The following FAM171A1 variants were observed in gnomAD, a reference collection of about 807,000 sequenced individuals.
FAM171A1 encodes protein FAM171A1.
In FAM171A1, 23 loss-of-function variants were observed where a neutral mutation model predicts 74.9. The observed-to-expected ratio is 0.31, with a 90% CI of 0.22 to 0.44. The LOEUF is 0.44. FAM171A1 is among the 20% of genes least tolerant of loss of function. The pLI is 1.00. For missense variants in FAM171A1, 1,162 were observed against 1,159.2 expected, an observed-to-expected ratio of 1.00 and a Z score of -0.03; for synonymous variants, 527 against 505.7, an observed-to-expected ratio of 1.04 and a Z score of -0.57.
At chr10:15,332,919 A>G (rs372245265) in intron 1 of FAM171A1, among the ~76,000 whole-genome samples, 1 of 150,046 alleles carries the variant, frequency 6.7e-6, no homozygotes, top group Non-Finnish European at 1.5e-5. Flanking sequence ...AAGGGTGTTC[A>G]AGCAAAGCGA....
intron 1 of FAM171A1, among the ~76,000 whole-genome samples, chr10:15,297,034 T>G (rs1835169851): frequency 6.6e-6 from 1 of 151,984 alleles, no homozygotes; most frequent in South Asian, 2.1e-4. Context: ...CTGCTCATCC[T>G]CTGAAGGGCG....
intron 1 of FAM171A1, among the ~76,000 whole-genome samples, chr10:15,288,687 C>A (rs899795018): frequency 7.9e-5 from 12 of 152,082 alleles, no homozygotes; most frequent in African/African-American, 2.9e-4. Flanking sequence ...TAGATTCTAC[C>A]ACTTGAATTT....
intron 5 of FAM171A1, among the ~76,000 whole-genome samples, chr10:15,230,576 G>T (rs1000287584): frequency 6.6e-6 from 1 of 152,182 alleles, no homozygotes; most frequent in Non-Finnish European, 1.5e-5. Flanking sequence ...ACTGTATTCA[G>T]CTGCAACACA....
chr10:15,288,714 G>C (rs10796271), intron 1 of FAM171A1, among the ~76,000 whole-genome samples: 47,645 of 151,558 alleles, frequency 0.31, 8,951 homozygotes, highest in East Asian at 0.59. Context: ...ATATGGGAAG[G>C]ATAGTTTAAG....
intron 5 of FAM171A1, among the ~76,000 whole-genome samples, chr10:15,234,853 G>A (rs939995792): frequency 1.3e-5 from 2 of 151,940 alleles, no homozygotes; most frequent in South Asian, 2.1e-4. Flanking sequence ...TAGTAGAGAC[G>A]GGGTTTCACT....
rs1231310601 is a variant in FAM171A1, at chr10:15,220,926, G to A, written c.871+18C>T. The A allele has an allele frequency of 2.5e-6, 4 of 1,588,648 alleles. No homozygotes were observed. The highest frequency in any genetic ancestry group is 1.3e-5 in the African/African-American group (1 of 74,534). ...AAGCAACTGATCCGCATCATCGCAA[G>A]TGTTGGCTCCGTGTTACCTGGGATG... On this transcript the variant is annotated intron_variant, in intron 6 of 7. Transcript: ENST00000378116.
At position 15,248,648 on chromosome 10, in the gene FAM171A1, G is replaced by A; in HGVS notation, c.745C>T (p.Gln249Ter). 6.2e-7 allele frequency: 1 copy of A among 1,604,926 alleles called. No homozygotes were observed. Among genetic ancestry groups the A allele is most frequent in the Non-Finnish European group, 8.5e-7 (1 of 1,175,558 alleles). ...NAYVAAWRFD[Q>*]KLGTWLKSGL... ...CAGAACTCTTGCTTACCCAGCTTCT[G>A]GTCAAACCGCCACGCCGCGACATAG... The change falls in exon 5 of 8, where the codon CAG becomes TAG. Residue 249 changes from glutamine (Q) to a stop codon, truncating the protein, a stop_gained. Coordinates refer to ENST00000378116, the MANE Select transcript of FAM171A1 (RefSeq NM_001010924.2). LOFTEE classifies it high-confidence loss of function.
At chr10:15,318,845 G>A (rs1314023801) in intron 1 of FAM171A1, among the ~76,000 whole-genome samples, 1 of 152,204 alleles carries the variant, frequency 6.6e-6, no homozygotes, top group East Asian at 1.9e-4. Flanking sequence ...TACAGCAGAA[G>A]ATGAGGCAGT....
intron 3 of FAM171A1, 31 bp downstream of exon 3, chr10:15,275,821 TAAC>T: frequency 2.2e-6 from 3 of 1,391,312 alleles, no homozygotes; most frequent in Non-Finnish European, 3.0e-6. Flanking sequence ...CCATCAAAAA[TAAC>T]AATAAAAACT....
At chr10:15,251,703 C>T (rs1035186179) in intron 4 of FAM171A1, among the ~76,000 whole-genome samples, 2 of 152,072 alleles carry the variant, frequency 1.3e-5, no homozygotes, top group Non-Finnish European at 2.9e-5. Context: ...TGAGCCATCG[C>T]GCCTGGCCTA....
chr10:15,220,078 A>C (rs533294431), intron 6 of FAM171A1, among the ~76,000 whole-genome samples: 1 of 152,378 alleles, frequency 6.6e-6, no homozygotes, highest in Admixed American at 6.5e-5. Flanking sequence ...AACTGCCTTC[A>C]TGGTTCATTT....
rs1403768972 is a variant in FAM171A1, at chr10:15,254,745, G to A, written c.553C>T (p.Arg185Ter). The A allele has an allele frequency of 1.9e-6, 3 of 1,614,034 alleles. No individual in the cohort carries two copies. The highest frequency in any genetic ancestry group is 1.7e-5 in the Admixed American group (1 of 59,994). Residue 185 changes from arginine (R) to a stop codon, truncating the protein, a stop_gained, in exon 4 of 8, where the codon CGA becomes TGA. Transcript: ENST00000378116. LOFTEE classifies it high-confidence loss of function. ...PSEVDSFPYL[R>*]GLDGNGTGNS... ...CCTGTTCCATTTCCGTCTAATCCTC[G>A]CAAATAAGGAAAACTGTCCACCTCC...
intron 1 of FAM171A1, among the ~76,000 whole-genome samples, chr10:15,304,854 A>G (rs1453329713): frequency 6.6e-6 from 1 of 152,178 alleles, no homozygotes; most frequent in Non-Finnish European, 1.5e-5. Context: ...CTCCTGCCTC[A>G]GCCTCCCAAG....
chr10:15,219,592 CT>C lies in FAM171A1; in HGVS notation c.871+1351del, dbSNP rs374378778. 3.6e-4 allele frequency among the ~76,000 whole-genome samples: 55 copies of C among 151,768 alleles called. 1 individual carries two copies. The highest frequency in any genetic ancestry group is 1.3e-3 in the African/African-American group (54 of 41,436). On this transcript the variant is annotated intron_variant, in intron 6 of 7. Coordinates refer to ENST00000378116, the MANE Select transcript of FAM171A1 (RefSeq NM_001010924.2). ...AGGGAAACACATTAATCTTTTTTTT[CT>C]TTTTTTGAGAGGGTGTCTCGCTCTG...
chr10:15,213,358 C>T lies in FAM171A1; in HGVS notation c.2230G>A (p.Val744Ile), dbSNP rs567333453. 1.2e-6 allele frequency: 2 copies of T among 1,614,168 alleles called. No homozygotes were observed. The highest frequency in any genetic ancestry group is 1.7e-6 in the Non-Finnish European group (2 of 1,180,034). ...GCTGATTTTGGTTCATTCATATCTA[C>T]GCCAGAGTCCAAACTGGCATCATTA... Reference protein sequence around the residue: ...GSNDASLDSGVDMNEPKSARK... With the variant: ...GSNDASLDSGIDMNEPKSARK... Residue 744 changes from valine (V) to isoleucine (I), a missense_variant, in exon 8 of 8, where the codon GTA becomes ATA. By Grantham distance (29) the Val-to-Ile change is conservative. Coordinates refer to ENST00000378116, the MANE Select transcript of FAM171A1 (RefSeq NM_001010924.2). This position sits in a 1 kb window ranked among gnomAD's most constrained non-coding sequence, Gnocchi z 6.8.
At chr10:15,371,544 T>A (rs954368447), upstream of FAM171A1, among the ~76,000 whole-genome samples, 16 of 152,130 alleles carry the variant, frequency 1.1e-4, no homozygotes, top group African/African-American at 3.9e-4. Context: ...AGACATTGTA[T>A]CTGGGTGTGA....
chr10:15,257,136 G>A lies in FAM171A1; in HGVS notation c.419-2257C>T, dbSNP rs1834590606. On this transcript the variant is annotated intron_variant, in intron 3 of 7. Coordinates refer to ENST00000378116, the MANE Select transcript of FAM171A1 (RefSeq NM_001010924.2). Reference sequence around the variant, plus strand: ...AAGAATGGTGAGTCTACATGTGATGGAGCAAAGAGGGAGCCTGTCCTCATG... The same window carrying A: ...AAGAATGGTGAGTCTACATGTGATGAAGCAAAGAGGGAGCCTGTCCTCATG... Among the ~76,000 whole-genome samples the A allele has an allele frequency of 1.3e-5, 2 of 152,168 alleles. 1 individual carries two copies. Among genetic ancestry groups the A allele is most frequent in the Admixed American group, 1.3e-4 (2 of 15,288 alleles).
At chr10:15,234,937 C>T (rs901527920) in intron 5 of FAM171A1, among the ~76,000 whole-genome samples, 8 of 152,122 alleles carry the variant, frequency 5.3e-5, no homozygotes, top group Non-Finnish European at 1.0e-4. Flanking sequence ...GCTGGGATTA[C>T]AGGCGTGAGC....
intron 5 of FAM171A1, among the ~76,000 whole-genome samples, chr10:15,233,587 G>A (rs899014815): frequency 2.0e-5 from 3 of 151,134 alleles, no homozygotes; most frequent in African/African-American, 7.3e-5. Context: ...ATTTTAAAGG[G>A]GTGATTCAAA....
Sources: gnomAD v4.1 joint callset for allele counts (sites outside exome capture counted in the v4.1 genomes callset) on GRCh38, gnomAD v4.1.1 for gene constraint, Gnocchi (gnomAD v3.1) non-coding constraint, MANE v1.5 for transcripts, NCBI Gene and HGNC (gene_info 2026-07-23, HGNC 2026-07-21) for gene names.